RAPGEF1: variants seen among roughly 807,000 people sequenced by gnomAD.
RAPGEF1 encodes the protein Rap guanine nucleotide exchange factor 1, also known as CRK SH3-binding GNRP.
In RAPGEF1, 33 loss-of-function variants were observed where a neutral mutation model predicts 143.3. That is an observed-to-expected ratio of 0.23 (90% CI 0.17 to 0.31). RAPGEF1 has a LOEUF of 0.31. Among genes scored for constraint, RAPGEF1 ranks in the 10% least tolerant of loss-of-function variants. The pLI is 1.00. For missense variants in RAPGEF1, 1,199 were observed against 1,645.4 expected, an observed-to-expected ratio of 0.73 and a Z score of 4.69; for synonymous variants, 629 against 676.5, an observed-to-expected ratio of 0.93 and a Z score of 1.09.
At chr9:131,708,520 A>G (rs531709500) in intron 1 of RAPGEF1, among the ~76,000 whole-genome samples, 1 of 152,186 alleles carries the variant, frequency 6.6e-6, no homozygotes, top group African/African-American at 2.4e-5. Context: ...CCCTAGAGAG[A>G]CAGAGTAGGT....
intron 17 of RAPGEF1, among the ~76,000 whole-genome samples, chr9:131,595,397 G>A (rs982940277): frequency 1.3e-5 from 2 of 152,224 alleles, no homozygotes; most frequent in African/African-American, 2.4e-5. Context: ...GAGTCACTCT[G>A]GGTCACATGT....
chr9:131,650,768 G>C lies in RAPGEF1; in HGVS notation c.201+42C>G. The C allele has an allele frequency of 6.2e-7, 1 of 1,604,038 alleles. No individual in the cohort carries two copies. Among genetic ancestry groups the C allele is most frequent in the Non-Finnish European group, 8.5e-7 (1 of 1,175,564 alleles). The stretch of plus-strand genomic sequence containing the variant: ...ACAAATCGCACAAACTCATATTGCT[G>C]GAAGCAGGTGAGGCCAGGAGAAACA... On this transcript the variant is annotated intron_variant, in intron 2 of 26. Coordinates refer to ENST00000683357, the MANE Select transcript of RAPGEF1 (RefSeq NM_001377935.1). The surrounding 1 kb of genome is among the most constrained non-coding windows in gnomAD (Gnocchi z 4.7).
chr9:131,604,825 G>A, intron 13 of RAPGEF1, 106 bp downstream of exon 13: 1 of 1,204,604 alleles, frequency 8.3e-7, no homozygotes, highest in Admixed American at 3.0e-5. Context: ...GTAAAGGGGA[G>A]GCAGTGTCTT....
Position 131,675,777 on chromosome 9 carries a change from G to A in RAPGEF1, c.62-24828C>T, listed in dbSNP as rs1832231587. 6.6e-6 allele frequency among the ~76,000 whole-genome samples: 1 copy of A among 152,230 alleles called. No homozygotes were observed. Among genetic ancestry groups the A allele is most frequent in the African/African-American group, 2.4e-5 (1 of 41,462 alleles). On this transcript the variant is annotated intron_variant, in intron 1 of 26. Transcript: ENST00000683357. The surrounding 1 kb of genome is among the most constrained non-coding windows in gnomAD (Gnocchi z 4.6). ...TTTACTGAGCACTTACTATACGCCA[G>A]CCCTGACAGGCAGACATTAATTGCC...
At chr9:131,684,319 T>G (rs572942603) in intron 1 of RAPGEF1, among the ~76,000 whole-genome samples, 183 of 152,354 alleles carry the variant, frequency 1.2e-3, no homozygotes, top group Admixed American at 1.8e-3. Flanking sequence ...TCTGCCTGTG[T>G]TAAACATCAC....
intron 3 of RAPGEF1, among the ~76,000 whole-genome samples, chr9:131,645,342 A>T (rs1173344653): frequency 6.6e-6 from 1 of 152,238 alleles, no homozygotes; most frequent in Non-Finnish European, 1.5e-5. Context: ...AGGAACAGGA[A>T]ACATTTTAAG....
At chr9:131,619,250 G>C (rs969864925) in intron 11 of RAPGEF1, 44 bp from the exon 12 acceptor site, 26 of 1,284,824 alleles carry the variant, frequency 2.0e-5, no homozygotes, top group Non-Finnish European at 2.5e-5. Context: ...GAAGGAGGGA[G>C]AGAAGCAGAG....
intron 4 of RAPGEF1, among the ~76,000 whole-genome samples, chr9:131,639,533 C>T (rs1315874747): frequency 6.6e-6 from 1 of 151,990 alleles, no homozygotes; most frequent in Non-Finnish European, 1.5e-5. Context: ...CCCTGAGTGC[C>T]TCAATGATTG....
chr9:131,583,788 T>C lies in RAPGEF1; in HGVS notation c.3414+523A>G, dbSNP rs1372312138. 6.6e-6 allele frequency among the ~76,000 whole-genome samples: 1 copy of C among 152,198 alleles called. No homozygotes were observed. The highest frequency in any genetic ancestry group is 1.5e-5 in the Non-Finnish European group (1 of 68,016). On this transcript the variant is annotated intron_variant, in intron 24 of 26. Transcript: ENST00000683357. The surrounding 1 kb of genome is among the most constrained non-coding windows in gnomAD (Gnocchi z 4.7). ...GCTGACCCCCACCTGCTCCTGGCTG[T>C]GCACTCCTTTGTCCCCTTTGATTCT...
chr9:131,582,791 G>A, intron 24 of RAPGEF1, 89 bp from the exon 25 acceptor site: 1 of 1,213,794 alleles, frequency 8.2e-7, no homozygotes, highest in East Asian at 2.8e-5. Context: ...CTCACTAACT[G>A]GAGGGTCAAC....
At chr9:131,674,432 GAGA>G (rs1831941200) in intron 1 of RAPGEF1, among the ~76,000 whole-genome samples, 1 of 152,210 alleles carries the variant, frequency 6.6e-6, no homozygotes. Flanking sequence ...AGCCTGACTT[GAGA>G]AGGAGCTCAG....
chr9:131,660,454 AAAC>A (rs1176112625), intron 1 of RAPGEF1, among the ~76,000 whole-genome samples: 2 of 104,778 alleles, frequency 1.9e-5, no homozygotes, highest in Non-Finnish European at 4.1e-5. Flanking sequence ...TTTTTTTTTT[AAAC>A]AACAAGCCAT....
intron 4 of RAPGEF1, among the ~76,000 whole-genome samples, chr9:131,639,699 C>A (rs1425127903): frequency 1.3e-5 from 2 of 152,046 alleles, no homozygotes; most frequent in African/African-American, 4.8e-5. Context: ...TGTGCTGCAA[C>A]CTCCTCTACT....
At chr9:131,720,970 TA>T (rs1465963907) in intron 1 of RAPGEF1, among the ~76,000 whole-genome samples, 1 of 152,222 alleles carries the variant, frequency 6.6e-6, no homozygotes, top group East Asian at 1.9e-4. Context: ...ATCTGGTTGT[TA>T]TATGTACATG....
At chr9:131,611,928 G>A (rs1026813638) in intron 12 of RAPGEF1, among the ~76,000 whole-genome samples, 1 of 152,138 alleles carries the variant, frequency 6.6e-6, no homozygotes, top group Admixed American at 6.6e-5. Flanking sequence ...TTCATGATAG[G>A]GTTCTGGATT....
At chr9:131,712,890 C>T (rs1256959816) in intron 1 of RAPGEF1, among the ~76,000 whole-genome samples, 2 of 152,084 alleles carry the variant, frequency 1.3e-5, no homozygotes, top group Non-Finnish European at 2.9e-5. Flanking sequence ...AACAGAATAA[C>T]CTAATCTTAA....
chr9:131,628,461 C>G lies in RAPGEF1; in HGVS notation c.1017+88G>C. On this transcript the variant is annotated intron_variant, in intron 8 of 26. Coordinates refer to ENST00000683357, the MANE Select transcript of RAPGEF1 (RefSeq NM_001377935.1). The surrounding 1 kb of genome is among the most constrained non-coding windows in gnomAD (Gnocchi z 5.7). ...GTGACAAACACCAGCGCCTGAAGAC[C>G]ATGGGTTTCTTTCAGCTTCAGGAGC... 1 of 1,527,920 alleles carries G rather than the reference C, an allele frequency of 6.5e-7. No homozygotes were observed. Among genetic ancestry groups the G allele is most frequent in the Non-Finnish European group, 8.9e-7 (1 of 1,124,764 alleles). The allele number at this position is 1,527,920 out of a possible 1,614,324, so 94.6% of individuals were successfully genotyped here. A position where few individuals can be genotyped will look rare whatever the true frequency, so the allele number is the denominator to read the frequency against.
chr9:131,597,435 C>T (rs1955493769), intron 16 of RAPGEF1, among the ~76,000 whole-genome samples: 2 of 152,258 alleles, frequency 1.3e-5, no homozygotes, highest in Non-Finnish European at 2.9e-5. Flanking sequence ...CTGCCATGGC[C>T]AGAGCCAGCG....
At chr9:131,676,610 C>T (rs1229606118) in intron 1 of RAPGEF1, among the ~76,000 whole-genome samples, 5 of 152,116 alleles carry the variant, frequency 3.3e-5, no homozygotes, top group East Asian at 1.9e-4. Context: ...CAGGCTGGGA[C>T]GAAATCCCAA....
Sources: gnomAD v4.1 joint callset for allele counts (sites outside exome capture counted in the v4.1 genomes callset) on GRCh38, gnomAD v4.1.1 for gene constraint, Gnocchi (gnomAD v3.1) non-coding constraint, MANE v1.5 for transcripts, NCBI Gene and HGNC (gene_info 2026-07-23, HGNC 2026-07-21) for gene names.